SEL1L: variants seen among roughly 807,000 people sequenced by gnomAD.
SEL1L encodes the protein protein sel-1 homolog 1.
SEL1L carries 52 observed loss-of-function variants against 109.8 expected under a neutral mutation model. The observed-to-expected ratio is 0.47, with a 90% CI of 0.38 to 0.60. SEL1L has a LOEUF of 0.60. Among genes scored for constraint, SEL1L ranks in the 20% least tolerant of loss-of-function variants. The pLI, the probability that SEL1L is intolerant of heterozygous loss-of-function variation, is 0.00. For missense variants in SEL1L, 749 were observed against 962.2 expected, an observed-to-expected ratio of 0.78 and a Z score of 2.93; for synonymous variants, 373 against 339.6, an observed-to-expected ratio of 1.10 and a Z score of -1.08.
intron 4 of SEL1L, among the ~76,000 whole-genome samples, 187 bp downstream of exon 4, chr14:81,505,887 G>C (rs1201792082): frequency 1.3e-5 from 2 of 152,180 alleles, no homozygotes; most frequent in African/African-American, 4.8e-5. Flanking sequence ...AGTGTGACTT[G>C]AGTGACAGCC....
intron 3 of SEL1L, among the ~76,000 whole-genome samples, chr14:81,513,098 A>G (rs1202635008): frequency 1.3e-5 from 2 of 152,140 alleles, no homozygotes; most frequent in Non-Finnish European, 2.9e-5. Context: ...TGCACCAATC[A>G]GCACTCTGTA....
chr14:81,508,782 T>C (rs1464507984), intron 3 of SEL1L, among the ~76,000 whole-genome samples: 2 of 152,208 alleles, frequency 1.3e-5, no homozygotes, highest in Non-Finnish European at 2.9e-5. Flanking sequence ...AACACTTCTA[T>C]GATAATAGAA....
intron 12 of SEL1L, among the ~76,000 whole-genome samples, chr14:81,490,860 T>G (rs1324775587): frequency 1.3e-5 from 2 of 152,214 alleles, no homozygotes; most frequent in Non-Finnish European, 2.9e-5. Context: ...GACAGCTTGC[T>G]ACTTCACTCC....
chr14:81,486,768 A>T (rs1193339344), intron 16 of SEL1L, among the ~76,000 whole-genome samples: 2 of 151,984 alleles, frequency 1.3e-5, no homozygotes, highest in East Asian at 3.9e-4. Flanking sequence ...ATTCATGAGG[A>T]ACCACCCTAG....
intron 18 of SEL1L, among the ~76,000 whole-genome samples, chr14:81,485,439 C>T (rs1443111888): frequency 6.7e-6 from 1 of 149,374 alleles, no homozygotes; most frequent in African/African-American, 2.4e-5. Flanking sequence ...CCATGCCCAG[C>T]TAATTTTTTT....
At position 81,498,488 on chromosome 14, in the gene SEL1L, T is replaced by C; in HGVS notation, c.898A>G (p.Arg300Gly). 6.2e-7 allele frequency: 1 copy of C among 1,613,572 alleles called. No individual in the cohort carries two copies. The highest frequency in any genetic ancestry group is 8.5e-7 in the Non-Finnish European group (1 of 1,179,676). Reference protein sequence around the residue: ...NLIAHMVLGYRYWAGIGVLQS... With the variant: ...NLIAHMVLGYGYWAGIGVLQS... ...AGGACGCCGATGCCAGCCCAGTATC[T>C]GTAACCCTGTAAAACAACTTCACGT... Residue 300 changes from arginine (R) to glycine (G), a missense_variant, in exon 9 of 21, where the codon AGA becomes GGA. This residue lies in a region of SEL1L where 366 missense variants were observed against 399.8 expected (regional missense o/e 0.92). Coordinates refer to ENST00000336735, the MANE Select transcript of SEL1L (RefSeq NM_005065.6).
chr14:81,472,873 GTC>G lies in SEL1L; in HGVS notation c.*4097_*4098del, dbSNP rs1241553747. The G allele has an allele frequency of 4.2e-6, 1 of 240,284 alleles. No homozygotes were observed. The highest frequency in any genetic ancestry group is 2.3e-5 in the African/African-American group (1 of 42,832). 14.9% of individuals were successfully genotyped at this position (240,284 alleles called of 1,614,324 possible). On this transcript the variant is annotated 3_prime_UTR_variant, in exon 21 of 21. Transcript: ENST00000336735. ...AATTGAATCATTCAGCTTAAAAAAAGTCTGTCTGGAAAGGTGCTTGGTTGTGG... is the reference window on the plus strand; with the variant it reads ...AATTGAATCATTCAGCTTAAAAAAAGTGTCTGGAAAGGTGCTTGGTTGTGG...
In SEL1L at chr14:81,492,544, GCTCT is replaced by G. The variant is rs753643922; in HGVS notation, c.1186_1189del (p.Arg396HisfsTer7). The G allele has an allele frequency of 1.9e-6, 3 of 1,604,332 alleles. No individual in the cohort carries two copies. Among genetic ancestry groups the G allele is most frequent in the African/African-American group, 1.3e-5 (1 of 74,638 alleles). ...TGCTGCTAAATTGAAGTAGTCAAAT[GCTCT>G]CTATGAGAAAAGAATTTATTAAAAT... On this transcript the variant is annotated frameshift_variant and splice_region_variant, in exon 12 of 21. Transcript: ENST00000336735. LOFTEE classifies it high-confidence loss of function.
chr14:81,489,052 CAG>C, intron 14 of SEL1L, 198 bp downstream of exon 14: 1 of 591,848 alleles, frequency 1.7e-6, no homozygotes, highest in Non-Finnish European at 3.0e-6. Context: ...GTGCCAGACA[CAG>C]AGCTGTTCTA....
At chr14:81,480,273 C>T (rs1309340700) in intron 19 of SEL1L, among the ~76,000 whole-genome samples, 1 of 152,074 alleles carries the variant, frequency 6.6e-6, no homozygotes, top group African/African-American at 2.4e-5. Flanking sequence ...ACTGCAGGCT[C>T]CGCCCCCCAG....
intron 12 of SEL1L, among the ~76,000 whole-genome samples, chr14:81,491,000 T>C (rs1344477004): frequency 6.6e-6 from 1 of 152,254 alleles, no homozygotes; most frequent in Non-Finnish European, 1.5e-5. Flanking sequence ...CTCAAATTTA[T>C]GACTTATTTA....
chr14:81,530,793 T>C (rs1278097043), intron 1 of SEL1L, among the ~76,000 whole-genome samples: 2 of 152,220 alleles, frequency 1.3e-5, no homozygotes, highest in African/African-American at 2.4e-5. Flanking sequence ...CCTTTTTGTA[T>C]ACTTAAACCT....
At chr14:81,488,011 T>C (rs943391768) in intron 14 of SEL1L, 69 bp from the exon 15 acceptor site, 214 of 1,214,672 alleles carry the variant, frequency 1.8e-4, no homozygotes, top group Non-Finnish European at 2.4e-4. Flanking sequence ...AAGAGATTTA[T>C]TTAAAAAAAT....
At chr14:81,480,250 G>A (rs1329269868) in intron 19 of SEL1L, among the ~76,000 whole-genome samples, 3 of 151,854 alleles carry the variant, frequency 2.0e-5, no homozygotes, top group Non-Finnish European at 4.4e-5. Flanking sequence ...GTGCAGTGGC[G>A]CGATCTCGGC....
At position 81,487,854 on chromosome 14, in the gene SEL1L, C is replaced by CTA. The variant is rs766504708; in HGVS notation, c.1482_1483dup (p.Asn495IlefsTer14). ...CCATCATTAATTCCAGTGTTACTTACTATAGTACATGGAACCAAGCTGTAG... is the reference window on the plus strand; with the variant it reads ...CCATCATTAATTCCAGTGTTACTTACTATATAGTACATGGAACCAAGCTGTAG... On this transcript the variant is annotated frameshift_variant and splice_region_variant. Transcript: ENST00000336735. LOFTEE classifies it high-confidence loss of function. The CTA allele has an allele frequency of 6.2e-7, 1 of 1,613,576 alleles. No individual in the cohort carries two copies. The highest frequency in any genetic ancestry group is 1.1e-5 in the South Asian group (1 of 90,966).
chr14:81,486,550 C>A, intron 16 of SEL1L, 96 bp from the exon 17 acceptor site: 1 of 1,165,398 alleles, frequency 8.6e-7, no homozygotes, highest in Non-Finnish European at 1.2e-6. Context: ...GACTATTAAG[C>A]TTGCTCCTTC....
chr14:81,527,193 C>T (rs1178399448), intron 2 of SEL1L, among the ~76,000 whole-genome samples: 1 of 152,122 alleles, frequency 6.6e-6, no homozygotes, highest in African/African-American at 2.4e-5. Flanking sequence ...AGAAGCCTTC[C>T]TTAATTCCCA....
At chr14:81,495,773 C>T (rs1883723004) in intron 10 of SEL1L, among the ~76,000 whole-genome samples, 1 of 151,908 alleles carries the variant, frequency 6.6e-6, no homozygotes, top group South Asian at 2.1e-4. Flanking sequence ...CCCATCTCTA[C>T]TAAAAATACA....
At chr14:81,517,702 G>A (rs1025436105) in intron 3 of SEL1L, among the ~76,000 whole-genome samples, 1 of 152,174 alleles carries the variant, frequency 6.6e-6, no homozygotes, top group Non-Finnish European at 1.5e-5. Context: ...GCATCTAGAT[G>A]TATTGTAAAA....
Sources: gnomAD v4.1 joint callset for allele counts (sites outside exome capture counted in the v4.1 genomes callset) on GRCh38, gnomAD v4.1.1 for gene constraint, gnomAD v4.1.1 regional missense constraint, MANE v1.5 for transcripts, NCBI Gene and HGNC (gene_info 2026-07-23, HGNC 2026-07-21) for gene names.